Variants in PTPRN2 observed in about 807,000 individuals in gnomAD.
PTPRN2 encodes the protein receptor-type tyrosine-protein phosphatase N2.
A neutral mutation model predicts 118.8 loss-of-function variants in PTPRN2; 74 were observed. The observed-to-expected ratio is 0.62, with a 90% CI of 0.52 to 0.76. The LOEUF is 0.76. Ranked by LOEUF, PTPRN2 falls within the 30% of genes least tolerant of loss-of-function variation. PTPRN2 has a pLI of 0.00. For missense variants in PTPRN2, 1,481 were observed against 1,394.4 expected, an observed-to-expected ratio of 1.06 and a Z score of -0.99; for synonymous variants, 641 against 608.0, an observed-to-expected ratio of 1.05 and a Z score of -0.80.
At chr7:158,331,224 G>C (rs1380331224) in intron 2 of PTPRN2, among the ~76,000 whole-genome samples, 1 of 150,010 alleles carries the variant, frequency 6.7e-6, no homozygotes, top group South Asian at 2.1e-4. Context: ...CACCATAAGA[G>C]CTGACGCCCG....
intron 13 of PTPRN2, among the ~76,000 whole-genome samples, chr7:157,661,221 G>T (rs532569771): frequency 6.6e-6 from 1 of 152,394 alleles, no homozygotes; most frequent in Admixed American, 6.5e-5. Context: ...CGCAGCGCAG[G>T]GTCTTCTTGA....
chr7:157,722,827 G>T (rs973447024), intron 12 of PTPRN2, among the ~76,000 whole-genome samples: 1 of 152,114 alleles, frequency 6.6e-6, no homozygotes, highest in Non-Finnish European at 1.5e-5. Context: ...GGCGGTGCAG[G>T]GTGGGGCTCT....
intron 3 of PTPRN2, among the ~76,000 whole-genome samples, chr7:158,253,526 G>A (rs534182251): frequency 6.6e-6 from 1 of 152,308 alleles, no homozygotes; most frequent in South Asian, 2.1e-4. Flanking sequence ...GGCAGGGGCA[G>A]CCCCGGGTCT....
intron 8 of PTPRN2, among the ~76,000 whole-genome samples, chr7:158,134,459 A>AATG (rs1400440143): frequency 6.6e-6 from 1 of 152,102 alleles, no homozygotes; most frequent in Non-Finnish European, 1.5e-5. Flanking sequence ...TAATAATAAT[A>AATG]ATAACAAATT....
rs1401188388 is a variant in PTPRN2 at position 158,407,225 on chromosome 7, CTGGGT to C, written c.163+82505_163+82509del. Among the ~76,000 whole-genome samples the C allele has an allele frequency of 5.3e-3, 204 of 38,516 alleles. 17 individuals are homozygous for C. Among genetic ancestry groups the C allele is most frequent in the Non-Finnish European group, 8.5e-3 (151 of 17,686 alleles). 25.3% of individuals were successfully genotyped at this position (38,516 alleles called of 152,430 possible). ...GGTCCTGGGTCCTGCGTCCTGCGTC[CTGGGT>C]CCTGGGTCCTGGGTCCTGCGTCCTG... is the stretch of plus-strand genomic sequence containing the variant. On this transcript the variant is annotated intron_variant, in intron 2 of 22. Transcript: ENST00000389418.
intron 12 of PTPRN2, among the ~76,000 whole-genome samples, chr7:157,867,471 C>T (rs1250458053): frequency 2.2e-5 from 3 of 134,214 alleles, no homozygotes; most frequent in Non-Finnish European, 4.8e-5. Flanking sequence ...TACAGGGCCA[C>T]CACCCTGTCC....
At chr7:158,582,256 T>G (rs1828664494) in intron 1 of PTPRN2, among the ~76,000 whole-genome samples, 1 of 152,226 alleles carries the variant, frequency 6.6e-6, no homozygotes, top group African/African-American at 2.4e-5. Context: ...GAGGGTTATC[T>G]GCCATGAATT....
chr7:158,126,870 A>G (rs1456957636), intron 9 of PTPRN2, among the ~76,000 whole-genome samples: 2 of 152,244 alleles, frequency 1.3e-5, no homozygotes, highest in East Asian at 1.9e-4. Context: ...TTCTGGTTCC[A>G]AAGTTCCTCT....
intron 3 of PTPRN2, among the ~76,000 whole-genome samples, chr7:158,228,083 T>C (rs921219574): frequency 2.6e-5 from 4 of 152,220 alleles, no homozygotes; most frequent in Admixed American, 6.5e-5. Context: ...GGTAGCATTG[T>C]TGGTGATATT....
intron 11 of PTPRN2, among the ~76,000 whole-genome samples, chr7:157,914,994 A>C (rs529100715): frequency 6.6e-6 from 1 of 152,146 alleles, no homozygotes; most frequent in South Asian, 2.1e-4. Context: ...ATTAAAATAT[A>C]TTTCTTCAAA....
At chr7:158,077,407 A>G (rs539108061) in intron 11 of PTPRN2, among the ~76,000 whole-genome samples, 1 of 152,320 alleles carries the variant, frequency 6.6e-6, no homozygotes, top group East Asian at 1.9e-4. Flanking sequence ...GCGCCTCTCC[A>G]ACAGGCTGAA....
intron 3 of PTPRN2, among the ~76,000 whole-genome samples, chr7:158,221,763 G>A (rs988346332): frequency 5.3e-5 from 8 of 152,130 alleles, no homozygotes; most frequent in East Asian, 1.9e-4. Context: ...CCCACAAGAC[G>A]TGGAAATTAT....
chr7:158,220,711 TACAA>T (rs1828292255), intron 3 of PTPRN2, among the ~76,000 whole-genome samples: 1 of 151,436 alleles, frequency 6.6e-6, no homozygotes, highest in African/African-American at 2.4e-5. Context: ...GCAGAGATAA[TACAA>T]ACAAATGGAA....
chr7:158,130,190 C>A (rs577180414), intron 9 of PTPRN2, among the ~76,000 whole-genome samples: 5 of 152,336 alleles, frequency 3.3e-5, no homozygotes, highest in African/African-American at 1.2e-4. Context: ...GCGACAGCAC[C>A]AGCCCGAGCA....
rs1827488654 is a variant in PTPRN2 at position 158,563,190 on chromosome 7, C to A, written c.112+24368G>T. On this transcript the variant is annotated intron_variant, in intron 1 of 22. Transcript: ENST00000389418. This position sits in a 1 kb window ranked among gnomAD's most constrained non-coding sequence, Gnocchi z 5.1. ...CCTCACAGGGAAATTTGTGCCTTCT[C>A]CCAAGGCAGGACCACAAGTTTGCAG... 6.6e-6 allele frequency among the ~76,000 whole-genome samples: 1 copy of A among 152,288 alleles called. No individual in the cohort carries two copies. The highest frequency in any genetic ancestry group is 2.1e-4 in the South Asian group (1 of 4,820).
chr7:158,058,960 A>G (rs1810057467), intron 11 of PTPRN2, among the ~76,000 whole-genome samples: 1 of 101,516 alleles, frequency 9.9e-6, no homozygotes, highest in Non-Finnish European at 1.9e-5. Context: ...ACGGTGACAC[A>G]TCACTGCAGC....
rs537175404 is a variant in PTPRN2, at chr7:158,374,790, G to A, written c.164-57858C>T. Among the ~76,000 whole-genome samples the A allele has an allele frequency of 3.6e-4, 55 of 152,312 alleles. 1 individual carries two copies. Among genetic ancestry groups the A allele is most frequent in the Admixed American group, 1.2e-3 (19 of 15,306 alleles). On this transcript the variant is annotated intron_variant, in intron 2 of 22. Coordinates refer to ENST00000389418, the MANE Select transcript of PTPRN2 (RefSeq NM_002847.5). ...CAAAGGAATGGGAGAAGTCATTTCC[G>A]GGGCGGGGATGTGGTTTCATGGGAA...
At chr7:158,262,698 A>G (rs1797545410) in intron 3 of PTPRN2, among the ~76,000 whole-genome samples, 1 of 149,116 alleles carries the variant, frequency 6.7e-6, no homozygotes, top group South Asian at 2.1e-4. Flanking sequence ...ATTCACACAC[A>G]CTGCACAGAT....
At chr7:158,527,071 G>A (rs1040118505) in intron 1 of PTPRN2, among the ~76,000 whole-genome samples, 55 of 152,132 alleles carry the variant, frequency 3.6e-4, no homozygotes, top group African/African-American at 1.3e-3. Flanking sequence ...CGAGACGTGC[G>A]CAGAAACTGC....
Sources: allele counts gnomAD v4.1 joint callset (sites outside exome capture counted in the v4.1 genomes callset), GRCh38; gene constraint gnomAD v4.1.1; non-coding constraint Gnocchi (gnomAD v3.1); transcripts MANE v1.5; gene names NCBI Gene and HGNC (gene_info 2026-07-23, HGNC 2026-07-21).